The following TUT7 variants were observed in gnomAD, a reference collection of about 807,000 sequenced individuals.
TUT7 encodes the protein terminal uridylyl transferase 7.
In TUT7, 33 loss-of-function variants were observed where a neutral mutation model predicts 165.9. The observed-to-expected ratio is 0.20, with a 90% confidence interval of 0.15 to 0.27. TUT7 has a LOEUF of 0.27. Ranked by LOEUF, TUT7 falls within the 10% of genes least tolerant of loss-of-function variation. TUT7 has a pLI of 1.00. For missense variants in TUT7, 1,338 were observed against 1,762.3 expected (o/e 0.76, Z 4.31); for synonymous variants, 552 against 608.1 (o/e 0.91, Z 1.36).
At position 86,311,884 on chromosome 9, in the gene TUT7, G is replaced by A. The variant is rs533308408; in HGVS notation, c.3275-1075C>T. 1.3e-5 allele frequency among the ~76,000 whole-genome samples: 2 copies of A among 152,220 alleles called. No individual in the cohort carries two copies. The highest frequency in any genetic ancestry group is 2.1e-4 in the South Asian group (1 of 4,836). The stretch of plus-strand genomic sequence containing the variant: ...TGATCCGCCAGCCTTGGCCTCCGGA[G>A]GTGCCGGGATTGCAGACGGAGTCTC... On this transcript the variant is annotated intron_variant, in intron 17 of 26. Coordinates refer to ENST00000375963, the MANE Select transcript of TUT7 (RefSeq NM_024617.4). The surrounding 1 kb of genome is among the most constrained non-coding windows in gnomAD (Gnocchi z 4.4).
At chr9:86,294,115 T>C (rs1826105754) in intron 26 of TUT7, among the ~76,000 whole-genome samples, 1 of 152,182 alleles carries the variant, frequency 6.6e-6, no homozygotes, top group African/African-American at 2.4e-5. Context: ...TTAAAAATTA[T>C]ATGTCTGTGA....
intron 26 of TUT7, among the ~76,000 whole-genome samples, chr9:86,301,065 C>T (rs556393621): frequency 1.3e-5 from 2 of 152,270 alleles, no homozygotes; most frequent in East Asian, 1.9e-4. Context: ...CCAAATGACT[C>T]TCATAAGACT....
At position 86,308,463 on chromosome 9, in the gene TUT7, C is replaced by T. The variant is rs760686124; in HGVS notation, c.3804G>A (p.Lys1268=). The part of the protein sequence containing the change: ...IRRKSLLTTF[K]KQWTSKYIVI... ...CAATGTATTTTGAGGTCCACTGTTT[C>T]TTAAAAGTTGTAAGCAGACTTTTTC... Residue 1268 remains lysine, a synonymous_variant, in exon 22 of 27, where the codon AAG becomes AAA. Coordinates refer to ENST00000375963, the MANE Select transcript of TUT7 (RefSeq NM_024617.4). 14 of 1,613,366 alleles carry T rather than the reference C, an allele frequency of 8.7e-6. No individual in the cohort carries two copies. Among genetic ancestry groups the T allele is most frequent in the Middle Eastern group, 1.7e-4 (1 of 6,058 alleles).
intron 8 of TUT7, 143 bp downstream of exon 8, chr9:86,339,893 A>G: frequency 1.6e-6 from 1 of 607,692 alleles, no homozygotes; most frequent in Non-Finnish European, 2.9e-6. Context: ...TGCCAAAAGT[A>G]TAGGGAGAAT....
chr9:86,346,239 CA>C (rs1212744689), intron 3 of TUT7, 59 bp downstream of exon 3: 12 of 1,527,386 alleles, frequency 7.9e-6, no homozygotes, highest in Middle Eastern at 1.8e-4. Flanking sequence ...ACTCAATTAA[CA>C]ACAAAATTGA....
At chr9:86,312,722 G>C (rs1828297787) in intron 17 of TUT7, among the ~76,000 whole-genome samples, 1 of 152,218 alleles carries the variant, frequency 6.6e-6, no homozygotes, top group Non-Finnish European at 1.5e-5. Flanking sequence ...CCGTGTCTGT[G>C]TAGAAAGAGG....
chr9:86,296,453 G>A (rs1220271738), intron 26 of TUT7, among the ~76,000 whole-genome samples: 4 of 152,120 alleles, frequency 2.6e-5, no homozygotes, highest in Non-Finnish European at 5.9e-5. Context: ...GGGGGAGGGA[G>A]GTAACAACGA....
Position 86,325,529 on chromosome 9 carries a change from G to C in TUT7, c.1609-15C>G. 1.2e-6 allele frequency: 2 copies of C among 1,603,100 alleles called. No individual in the cohort carries two copies. The highest frequency in any genetic ancestry group is 1.7e-6 in the Non-Finnish European group (2 of 1,173,092). ...ATTAATGACACCTATTAATAGCAAA[G>C]AGAAACATACAGGTTATTTCAGATG... On this transcript the variant is annotated splice_polypyrimidine_tract_variant and intron_variant, in intron 11 of 26. Transcript: ENST00000375963.
intron 10 of TUT7, among the ~76,000 whole-genome samples, chr9:86,335,718 C>G (rs1328760892): frequency 6.6e-6 from 1 of 152,170 alleles, no homozygotes; most frequent in South Asian, 2.1e-4. Context: ...AAATATCTAG[C>G]ATAAAGATAC....
chr9:86,304,605 A>G (rs536629782), intron 24 of TUT7, among the ~76,000 whole-genome samples: 15 of 152,316 alleles, frequency 9.8e-5, no homozygotes, highest in African/African-American at 3.4e-4. Context: ...CAGAAAAAAA[A>G]AAGGCATCAA....
At chr9:86,309,175 A>T in intron 21 of TUT7, 37 bp downstream of exon 21, 1 of 1,356,404 alleles carries the variant, frequency 7.4e-7, no homozygotes, top group Non-Finnish European at 1.0e-6. Context: ...ATTTTTAGTC[A>T]AGGATATAGG....
chr9:86,310,652 T>A (rs2131355653), intron 18 of TUT7, 54 bp downstream of exon 18: 1 of 937,092 alleles, frequency 1.1e-6, no homozygotes, highest in East Asian at 2.4e-5. Context: ...TTTTGCAAGG[T>A]GAGACATTTG....
chr9:86,307,094 A>C (rs1266439373), intron 22 of TUT7, among the ~76,000 whole-genome samples: 1 of 152,084 alleles, frequency 6.6e-6, no homozygotes, highest in Non-Finnish European at 1.5e-5. Flanking sequence ...AACATGGTGA[A>C]ACCCCGTCTC....
chr9:86,343,244 A>G, intron 5 of TUT7, 81 bp from the exon 6 acceptor site: 1 of 839,996 alleles, frequency 1.2e-6, no homozygotes, highest in Non-Finnish European at 1.7e-6. Flanking sequence ...CTATTTCAGA[A>G]GCAGAACCAT....
chr9:86,337,436 C>T lies in TUT7; in HGVS notation c.1438G>A (p.Val480Ile), dbSNP rs1473359590. Residue 480 changes from valine (V) to isoleucine (I), a missense_variant, in exon 10 of 27, where the codon GTA (valine) becomes ATA (isoleucine). Transcript: ENST00000375963. Reference protein sequence around the residue: ...LQQRKEPLLPVYLGSWIEGFS... With the variant: ...LQQRKEPLLPIYLGSWIEGFS... ...TTTTATACCCATGATCCTAGATATACAGGCAAAAGGGGTTCTTTCCTCTGC... is the reference window on the plus strand; with the variant it reads ...TTTTATACCCATGATCCTAGATATATAGGCAAAAGGGGTTCTTTCCTCTGC... 1.9e-6 allele frequency: 3 copies of T among 1,613,204 alleles called. No homozygotes were observed. The highest frequency in any genetic ancestry group is 2.5e-6 in the Non-Finnish European group (3 of 1,179,670).
chr9:86,301,925 T>G, intron 25 of TUT7: 1 of 892,924 alleles, frequency 1.1e-6, no homozygotes, highest in Admixed American at 6.2e-5. Context: ...GAGTGATTTC[T>G]TGAACGGCCT....
intron 20 of TUT7, 65 bp downstream of exon 20, chr9:86,309,398 A>T (rs1443839001): frequency 6.1e-6 from 9 of 1,479,878 alleles, no homozygotes; most frequent in Non-Finnish European, 8.3e-6. Context: ...AGAATTTTAG[A>T]GGAGGAGAAA....
intron 22 of TUT7, among the ~76,000 whole-genome samples, chr9:86,307,133 C>G (rs1429003272): frequency 1.3e-5 from 2 of 151,802 alleles, no homozygotes; most frequent in African/African-American, 4.8e-5. Context: ...ATTAGCCAGG[C>G]GTGGTGGCAC....
chr9:86,330,880 CTTTT>C (rs1242427796), intron 10 of TUT7, among the ~76,000 whole-genome samples: 2 of 142,918 alleles, frequency 1.4e-5, no homozygotes, highest in Non-Finnish European at 3.1e-5. Context: ...TTTTTTCTTT[CTTTT>C]TTTTTTTTGA....
Sources: gnomAD v4.1 joint callset for allele counts (sites outside exome capture counted in the v4.1 genomes callset) on GRCh38, gnomAD v4.1.1 for gene constraint, Gnocchi (gnomAD v3.1) non-coding constraint, MANE v1.5 for transcripts, NCBI Gene and HGNC (gene_info 2026-07-23, HGNC 2026-07-21) for gene names.